The following SRFBP1 variants were observed in gnomAD, a reference collection of about 807,000 sequenced individuals.
SRFBP1 encodes the protein serum response factor-binding protein 1.
SRFBP1 carries 47 observed loss-of-function variants against 45.5 expected under a neutral mutation model. That is an observed-to-expected ratio of 1.03 (90% CI 0.82 to 1.32). The LOEUF is 1.32. Ranked by LOEUF, SRFBP1 falls within the 40% of genes most tolerant of loss-of-function variation. The pLI, the probability that SRFBP1 is intolerant of heterozygous loss-of-function variation, is 0.00. For missense variants in SRFBP1, 621 were observed against 484.6 expected (o/e 1.28, Z -2.64); for synonymous variants, 203 against 166.3 (o/e 1.22, Z -1.70).
intron 3 of SRFBP1, among the ~76,000 whole-genome samples, chr5:121,994,276 A>AG (rs1752673665): frequency 2.0e-5 from 3 of 151,922 alleles, no homozygotes; most frequent in Non-Finnish European, 2.9e-5. Flanking sequence ...CCTGCTTTCT[A>AG]ATTTTTCCTG....
Position 122,020,072 on chromosome 5 carries a change from ACT to A in SRFBP1, c.353-15_353-14del. 6.7e-7 allele frequency: 1 copy of A among 1,501,950 alleles called. No homozygotes were observed. The highest frequency in any genetic ancestry group is 8.9e-7 in the Non-Finnish European group (1 of 1,118,162). 93.0% of individuals were successfully genotyped at this position (1,501,950 alleles called of 1,614,324 possible). A position where few individuals can be genotyped will look rare whatever the true frequency, so the allele number is the denominator to read the frequency against. ...GTTTCAGTGCTAAAATGAGTGATGCACTGTTTCTCTTGCAGCTGCTGTACAAG... is the reference window on the plus strand; with the variant it reads ...GTTTCAGTGCTAAAATGAGTGATGCAGTTTCTCTTGCAGCTGCTGTACAAG... On this transcript the variant is annotated splice_polypyrimidine_tract_variant and intron_variant, in intron 5 of 7. Coordinates refer to ENST00000339397, the MANE Select transcript of SRFBP1 (RefSeq NM_152546.3).
intron 4 of SRFBP1, among the ~76,000 whole-genome samples, chr5:122,006,910 G>C (rs2112691046): frequency 6.6e-6 from 1 of 152,006 alleles, no homozygotes; most frequent in East Asian, 1.9e-4. Flanking sequence ...TCATTTATTA[G>C]GGGTCAGCTA....
chr5:121,979,847 C>G (rs546486285), intron 3 of SRFBP1, among the ~76,000 whole-genome samples: 2 of 152,128 alleles, frequency 1.3e-5, no homozygotes, highest in African/African-American at 2.4e-5. Context: ...GTGTAATATC[C>G]TAAGGTTATA....
At chr5:122,077,467 G>A, downstream of SRFBP1, 1 of 1,614,094 alleles carries the variant, frequency 6.2e-7, no homozygotes, top group Non-Finnish European at 8.5e-7. The surrounding 1 kb of genome is among the most constrained non-coding windows in gnomAD (Gnocchi z 4.9). Context: ...ACTTGTAGGG[G>A]TTGTAAGGGT....
chr5:122,025,614 A>G (rs1753465145), intron 7 of SRFBP1, among the ~76,000 whole-genome samples: 1 of 152,168 alleles, frequency 6.6e-6, no homozygotes, highest in East Asian at 1.9e-4. Context: ...CACATCCTCT[A>G]CAGTTTTTTT....
intron 2 of SRFBP1, among the ~76,000 whole-genome samples, chr5:122,052,741 A>G (rs184471635): frequency 2.6e-5 from 4 of 152,204 alleles, no homozygotes; most frequent in African/African-American, 9.6e-5. Context: ...TCTTAATTCA[A>G]TTTCTGCCAT....
At chr5:122,053,234 G>A (rs181206475) in intron 2 of SRFBP1, among the ~76,000 whole-genome samples, 120 of 152,298 alleles carry the variant, frequency 7.9e-4, no homozygotes, top group Admixed American at 2.5e-3. Context: ...TTTAGCAGGT[G>A]TGTCCTGTCT....
chr5:121,982,009 T>C (rs1490025625), intron 3 of SRFBP1, among the ~76,000 whole-genome samples: 1 of 151,900 alleles, frequency 6.6e-6, no homozygotes, highest in Admixed American at 6.6e-5. Context: ...GTTGAGGTTG[T>C]TCTGAGTCTC....
At chr5:122,071,193 ATGTG>A (rs35544795) in intron 2 of SRFBP1, among the ~76,000 whole-genome samples, 21,930 of 149,778 alleles carry the variant, frequency 0.15, 1,698 homozygotes, top group Admixed American at 0.17. Context: ...AAACATTTAT[ATGTG>A]TGTGTGTGTG....
chr5:122,035,837 C>T (rs1753686294), intron 2 of SRFBP1, among the ~76,000 whole-genome samples: 1 of 152,120 alleles, frequency 6.6e-6, no homozygotes, highest in African/African-American at 2.4e-5. Context: ...GCTAAGTATA[C>T]CAAGACCTCA....
chr5:121,964,019 C>T (rs2112808055), intron 1 of SRFBP1, among the ~76,000 whole-genome samples: 1 of 151,700 alleles, frequency 6.6e-6, no homozygotes, highest in African/African-American at 2.4e-5. Context: ...TAAAAGAAAC[C>T]ATCTCAGAAA....
Position 122,028,058 on chromosome 5 carries a change from G to C in SRFBP1, c.*932G>C, listed in dbSNP as rs552631117. 1 of 152,330 alleles carries C rather than the reference G, an allele frequency of 6.6e-6. No homozygotes were observed. Among genetic ancestry groups the C allele is most frequent in the African/African-American group, 2.4e-5 (1 of 41,578 alleles). 9.4% of individuals were successfully genotyped at this position (152,330 alleles called of 1,614,324 possible). On this transcript the variant is annotated 3_prime_UTR_variant, in exon 8 of 8. Transcript: ENST00000339397. ...CCACTGATGGCTAAGCAAAGAAGTT[G>C]TAAGATGACTCACTGAGGAAGGGAC... is the stretch of plus-strand genomic sequence containing the variant.
chr5:121,992,325 T>A (rs774614423), intron 3 of SRFBP1, among the ~76,000 whole-genome samples: 62 of 151,988 alleles, frequency 4.1e-4, no homozygotes, highest in Non-Finnish European at 8.1e-4. Flanking sequence ...CATCTTCTCT[T>A]CCCTCTTTCT....
intron 2 of SRFBP1, among the ~76,000 whole-genome samples, chr5:122,044,111 G>C (rs1753814057): frequency 1.3e-5 from 2 of 152,058 alleles, no homozygotes; most frequent in African/African-American, 4.8e-5. Flanking sequence ...TGCAGTATTG[G>C]ATTTTCTGTT....
At chr5:121,989,472 T>A (rs759438906) in intron 3 of SRFBP1, among the ~76,000 whole-genome samples, 7 of 152,196 alleles carry the variant, frequency 4.6e-5, no homozygotes, top group Non-Finnish European at 8.8e-5. Flanking sequence ...CAGTATCATA[T>A]AAGCACAAAC....
intron 4 of SRFBP1, among the ~76,000 whole-genome samples, chr5:122,010,556 A>G (rs1380800630): frequency 2.0e-5 from 3 of 152,182 alleles, no homozygotes; most frequent in African/African-American, 7.2e-5. Context: ...AGATACCCCT[A>G]CTACAAAGCT....
At chr5:122,047,601 G>C (rs1580543626) in intron 2 of SRFBP1, among the ~76,000 whole-genome samples, 1 of 152,178 alleles carries the variant, frequency 6.6e-6, no homozygotes, top group Admixed American at 6.5e-5. Context: ...TTGGTAGCTT[G>C]ATGGGGATGG....
intron 2 of SRFBP1, among the ~76,000 whole-genome samples, chr5:122,058,804 T>A (rs948035171): frequency 6.6e-6 from 1 of 152,136 alleles, no homozygotes; most frequent in Non-Finnish European, 1.5e-5. Flanking sequence ...AATTTGTGAT[T>A]CTGTGAACTG....
At chr5:121,993,749 G>A (rs1027154691) in intron 3 of SRFBP1, among the ~76,000 whole-genome samples, 2 of 151,992 alleles carry the variant, frequency 1.3e-5, no homozygotes, top group Non-Finnish European at 2.9e-5. Flanking sequence ...TTGATATGTA[G>A]CATTTTCTTA....
Sources: gnomAD v4.1 joint callset for allele counts (sites outside exome capture counted in the v4.1 genomes callset) on GRCh38, gnomAD v4.1.1 for gene constraint, Gnocchi (gnomAD v3.1) non-coding constraint, MANE v1.5 for transcripts, NCBI Gene and HGNC (gene_info 2026-07-23, HGNC 2026-07-21) for gene names.